CRYBA4: variants seen among roughly 807,000 people sequenced by gnomAD.
CRYBA4 encodes crystallin beta A4, also known as beta-crystallin A4.
Under a neutral mutation model 31.7 loss-of-function variants are expected in CRYBA4, and 30 were observed. That is an observed-to-expected ratio of 0.95 (90% CI 0.71 to 1.28). The LOEUF is 1.28. Ranked by LOEUF, CRYBA4 falls within the 50% of genes most tolerant of loss-of-function variation. CRYBA4 has a pLI of 0.00. For missense variants in CRYBA4, 225 were observed against 260.7 expected, an observed-to-expected ratio of 0.86 and a Z score of 0.94; for synonymous variants, 102 against 102.3, an observed-to-expected ratio of 1.00 and a Z score of 0.02.
chr22:26,603,139 A>C, the CRYBA4 span, among the ~76,000 whole-genome samples: 5,934 of 106,300 alleles, frequency 0.056, 181 homozygotes, highest in East Asian at 0.31. Context: ...AAAAAAAAAA[A>C]AAAAACAAAA....
the CRYBA4 span, chr22:26,608,160 G>T: frequency 7.8e-7 from 1 of 1,278,674 alleles, no homozygotes; most frequent in South Asian, 1.3e-5. Flanking sequence ...GAACATGTCT[G>T]GGTTTGATTT....
chr22:26,616,295 C>A, the CRYBA4 span: 27 of 1,613,966 alleles, frequency 1.7e-5, no homozygotes, highest in Non-Finnish European at 2.3e-5. Flanking sequence ...GTGGCCGAGG[C>A]CGAGGCCTTT....
intron 3 of CRYBA4, among the ~76,000 whole-genome samples, chr22:26,623,753 G>A (rs1214875691): frequency 7.3e-6 from 1 of 136,948 alleles, no homozygotes; most frequent in East Asian, 2.2e-4. Flanking sequence ...CATGTGGCCT[G>A]ATCATTTTTT....
At chr22:26,610,369 G>A in the CRYBA4 span, among the ~76,000 whole-genome samples, 6 of 152,028 alleles carry the variant, frequency 3.9e-5, no homozygotes, top group East Asian at 7.7e-4. Context: ...CCCTGCCAGC[G>A]CCCACACAGA....
At chr22:26,599,774 C>A in the CRYBA4 span, 55 of 894,092 alleles carry the variant, frequency 6.2e-5, no homozygotes, top group Non-Finnish European at 9.0e-5. Flanking sequence ...TCCCTGCAGT[C>A]GGCTGCTCTC....
the CRYBA4 span, among the ~76,000 whole-genome samples, chr22:26,593,811 C>T: frequency 2.0e-4 from 31 of 152,180 alleles, no homozygotes; most frequent in Non-Finnish European, 4.6e-4. Context: ...CAAGTGTGAG[C>T]CACCATGCCC....
chr22:26,625,446 G>A lies in CRYBA4; in HGVS notation c.159-35G>A, dbSNP rs370566691. The A allele has an allele frequency of 2.5e-6, 4 of 1,611,282 alleles. No homozygotes were observed. The African/African-American group carries it at 5.3e-5, about 22-fold the overall frequency. ...GTCTAGAATGCAGGGTGAGGGGGACGCTTACCTCCTGCACACTCTACCCTC... is the reference window on the plus strand; with the variant it reads ...GTCTAGAATGCAGGGTGAGGGGGACACTTACCTCCTGCACACTCTACCCTC... On this transcript the variant is annotated intron_variant, in intron 3 of 5. Coordinates refer to ENST00000354760, the MANE Select transcript of CRYBA4 (RefSeq NM_001886.3).
chr22:26,628,439 A>G lies in CRYBA4; in HGVS notation c.443+9A>G. On this transcript the variant is annotated intron_variant, in intron 5 of 5. Coordinates refer to ENST00000354760, the MANE Select transcript of CRYBA4 (RefSeq NM_001886.3). ...CACGTCCACTCTGGGGCGTAAGTGT[A>G]TTCAAGGCTCTACCTGGCAGGGGAG... 6.2e-7 allele frequency: 1 copy of G among 1,613,716 alleles called. No homozygotes were observed.
the CRYBA4 span, chr22:26,616,075 AAGG>A: frequency 7.2e-6 from 9 of 1,254,830 alleles, no homozygotes; most frequent in Middle Eastern, 1.9e-4. Context: ...GGAGGAGAAG[AAGG>A]AGGAGGAGGG....
intron 3 of CRYBA4, 131 bp from the exon 4 acceptor site, chr22:26,625,350 G>A (rs923222617): frequency 2.8e-6 from 3 of 1,059,878 alleles, no homozygotes; most frequent in East Asian, 2.5e-5. Context: ...TCCAGCCATC[G>A]TCAAGTGTTT....
At chr22:26,594,198 A>G in the CRYBA4 span, among the ~76,000 whole-genome samples, 11 of 152,162 alleles carry the variant, frequency 7.2e-5, no homozygotes, top group African/African-American at 2.7e-4. Flanking sequence ...TAAGTATCTG[A>G]CCCAGGCTAT....
the CRYBA4 span, among the ~76,000 whole-genome samples, chr22:26,591,141 C>T: frequency 2.6e-5 from 4 of 151,820 alleles, no homozygotes; most frequent in African/African-American, 9.7e-5. Context: ...GGAGGCGAGG[C>T]GGGCGGATCA....
the CRYBA4 span, among the ~76,000 whole-genome samples, chr22:26,598,686 T>C: frequency 0.02 from 3,119 of 152,282 alleles, 103 homozygotes; most frequent in African/African-American, 0.07. Flanking sequence ...GCCCAGCCTG[T>C]GTGATTGCTT....
At chr22:26,629,610 G>A (rs1929858107) in intron 5 of CRYBA4, among the ~76,000 whole-genome samples, 1 of 151,806 alleles carries the variant, frequency 6.6e-6, no homozygotes, top group Non-Finnish European at 1.5e-5. Flanking sequence ...GGGTGTCGTG[G>A]CTATGCCTCT....
the CRYBA4 span, among the ~76,000 whole-genome samples, chr22:26,605,292 C>CT: frequency 6.6e-6 from 1 of 152,190 alleles, no homozygotes; most frequent in Admixed American, 6.6e-5. Flanking sequence ...AGCTGCCTCC[C>CT]TGGGTAGCTT....
the CRYBA4 span, among the ~76,000 whole-genome samples, chr22:26,606,266 C>G: frequency 6.6e-6 from 1 of 152,124 alleles, no homozygotes; most frequent in Non-Finnish European, 1.5e-5. Flanking sequence ...TTTGAGATTT[C>G]TAAACATTTC....
the CRYBA4 span, among the ~76,000 whole-genome samples, chr22:26,614,035 A>G: frequency 6.6e-6 from 1 of 152,166 alleles, no homozygotes. Context: ...GGAAGAGGAA[A>G]TTCCTGCCTA....
upstream of CRYBA4, among the ~76,000 whole-genome samples, chr22:26,620,971 G>A (rs1225754110): frequency 6.6e-6 from 1 of 152,102 alleles, no homozygotes; most frequent in Non-Finnish European, 1.5e-5. Flanking sequence ...TCACACGGAT[G>A]GTAAGAAAGA....
At chr22:26,599,425 A>C in the CRYBA4 span, 1 of 1,523,066 alleles carries the variant, frequency 6.6e-7, no homozygotes, top group South Asian at 1.2e-5. Flanking sequence ...TTTGCCTGGG[A>C]AAAATGGGGG....
Sources: allele counts gnomAD v4.1 joint callset (sites outside exome capture counted in the v4.1 genomes callset), GRCh38; gene constraint gnomAD v4.1.1; transcripts MANE v1.5; gene names NCBI Gene and HGNC (gene_info 2026-07-23, HGNC 2026-07-21).